The following DCAF8 variants were observed in gnomAD, a reference collection of about 807,000 sequenced individuals.
DCAF8 encodes the protein DDB1- and CUL4-associated factor 8.
DCAF8 carries 20 observed loss-of-function variants against 68.0 expected under a neutral mutation model. That is an observed-to-expected ratio of 0.29 (90% confidence interval 0.21 to 0.43). DCAF8 has a LOEUF of 0.43. DCAF8 is among the 20% of genes least tolerant of loss of function. DCAF8 has a pLI of 1.00. For missense variants in DCAF8, 460 were observed against 771.0 expected (o/e 0.60, Z 4.78); for synonymous variants, 230 against 276.9 (o/e 0.83, Z 1.68).
At chr1:160,261,062 G>A (rs545487774) in intron 2 of DCAF8, among the ~76,000 whole-genome samples, 2 of 152,322 alleles carry the variant, frequency 1.3e-5, no homozygotes, top group African/African-American at 4.8e-5. Flanking sequence ...CTAGGCTTAA[G>A]TCATTTGGAG....
chr1:160,237,275 T>G (rs1381377900), intron 5 of DCAF8, 46 bp from the exon 6 acceptor site: 11 of 1,350,298 alleles, frequency 8.1e-6, no homozygotes, highest in Non-Finnish European at 1.1e-5. Context: ...ATATTAGAAT[T>G]AGAGGTCATC....
chr1:160,228,650 C>G (rs1184061465), intron 7 of DCAF8, among the ~76,000 whole-genome samples: 1 of 150,064 alleles, frequency 6.7e-6, no homozygotes, highest in African/African-American at 2.4e-5. Context: ...AGCATGTCTC[C>G]CCAGAGCTTC....
At chr1:160,217,984 A>G (rs924562962) in intron 13 of DCAF8, 2 of 512,754 alleles carry the variant, frequency 3.9e-6, no homozygotes, top group Non-Finnish European at 6.9e-6. Context: ...GCCAACTGCC[A>G]GTTTGCCAAC....
At chr1:160,253,647 CA>C (rs747211563) in intron 2 of DCAF8, among the ~76,000 whole-genome samples, 657 of 26,880 alleles carry the variant, frequency 0.024, 3 homozygotes, top group African/African-American at 0.054. Context: ...GACTCCATCT[CA>C]AAAAAAAAAA....
chr1:160,220,580 A>C (rs756111742), intron 11 of DCAF8: 1 of 152,190 alleles, frequency 6.6e-6, no homozygotes, highest in African/African-American at 2.4e-5. Flanking sequence ...CAGAGAAAAG[A>C]GCTCTGGCCT....
chr1:160,219,067 G>A (rs929360115), intron 11 of DCAF8, 99 bp from the exon 12 acceptor site: 1 of 1,512,860 alleles, frequency 6.6e-7, no homozygotes, highest in Admixed American at 2.1e-5. Flanking sequence ...CTTGATCAGG[G>A]CTGAGGCAGC....
At position 160,239,983 on chromosome 1, in the gene DCAF8, G is replaced by A; in HGVS notation, c.437C>T (p.Ala146Val). The change falls in exon 4 of 14, where the codon GCT (alanine) becomes GTT (valine). Residue 146 changes from alanine (A) to valine (V), a missense_variant. Ala to Val is a moderately conservative substitution (Grantham distance 64). Around this residue, in one of 8 missense-constraint regions of DCAF8, gnomAD observed 170 missense variants for 318.2 expected, o/e 0.53. Coordinates refer to ENST00000368074, the MANE Select transcript of DCAF8 (RefSeq NM_015726.4). ...GGCTTGCCAGCGAGGTCGGGGTAGA[G>A]CTGATGTTTCTGAGGACACCCAGTC... is the stretch of plus-strand genomic sequence containing the variant. The part of the protein sequence containing the change: ...LEDWVSSETS[A>V]LPRPRWQALP... The A allele has an allele frequency of 2.5e-6, 4 of 1,614,246 alleles. No homozygotes were observed. Among genetic ancestry groups the A allele is most frequent in the Non-Finnish European group, 3.4e-6 (4 of 1,180,048 alleles).
chr1:160,217,877 T>C (rs1329980921), intron 13 of DCAF8, 169 bp from the exon 14 acceptor site: 16 of 568,964 alleles, frequency 2.8e-5, no homozygotes, highest in Non-Finnish European at 4.7e-5. Flanking sequence ...TTATTGCAAC[T>C]ATTCAACTCA....
At chr1:160,256,117 AGTTGGGATTACAG>A (rs1656828162) in intron 2 of DCAF8, among the ~76,000 whole-genome samples, 1 of 145,176 alleles carries the variant, frequency 6.9e-6, no homozygotes, top group South Asian at 2.2e-4. Flanking sequence ...CCCCCCGAGT[AGTTGGGATTACAG>A]GTACATGCCA....
chr1:160,246,025 C>A (rs372143751), intron 2 of DCAF8, among the ~76,000 whole-genome samples: 8 of 152,190 alleles, frequency 5.3e-5, no homozygotes, highest in South Asian at 2.1e-4. Context: ...GTAATCCCAG[C>A]TACTAGGGAG....
Position 160,238,602 on chromosome 1 carries a change from C to G in DCAF8, c.864+5G>C. The G allele has an allele frequency of 6.3e-7, 1 of 1,596,800 alleles. No individual in the cohort carries two copies. Among genetic ancestry groups the G allele is most frequent in the Non-Finnish European group, 8.5e-7 (1 of 1,172,046 alleles). On this transcript the variant is annotated splice_donor_5th_base_variant and intron_variant, in intron 5 of 13. Coordinates refer to ENST00000368074, the MANE Select transcript of DCAF8 (RefSeq NM_015726.4). ...GCACAAATTTTGGAGCAAGGTCTTA[C>G]TTACCTTGTGGGACGCTCCCTTGTG...
chr1:160,231,550 GTT>G (rs1311497173), intron 6 of DCAF8, 143 bp from the exon 7 acceptor site: 1 of 642,788 alleles, frequency 1.6e-6, no homozygotes, highest in African/African-American at 1.8e-5. Flanking sequence ...TGTTTTCTCT[GTT>G]TGTTTTGTAC....
chr1:160,240,442 A>C (rs1656067178), intron 3 of DCAF8, 72 bp from the exon 4 acceptor site: 1 of 1,429,560 alleles, frequency 7.0e-7, no homozygotes, highest in Non-Finnish European at 9.4e-7. Flanking sequence ...CCTTAGTCTA[A>C]GAAATCTTCA....
intron 11 of DCAF8, 196 bp from the exon 12 acceptor site, chr1:160,219,164 C>T (rs1655218153): frequency 3.2e-6 from 2 of 632,300 alleles, no homozygotes; most frequent in Non-Finnish European, 5.3e-6. Context: ...GGTATAAGAC[C>T]AGGCACATCA....
At chr1:160,246,710 G>C (rs1201102464) in intron 2 of DCAF8, among the ~76,000 whole-genome samples, 1 of 152,012 alleles carries the variant, frequency 6.6e-6, no homozygotes, top group Non-Finnish European at 1.5e-5. Flanking sequence ...AGCCAGGCAC[G>C]GCAGCTCACG....
intron 2 of DCAF8, among the ~76,000 whole-genome samples, chr1:160,247,809 A>G (rs1182781430): frequency 6.6e-6 from 1 of 152,200 alleles, no homozygotes; most frequent in Non-Finnish European, 1.5e-5. Flanking sequence ...GAAAAAAACT[A>G]AAGAACCTCA....
At chr1:160,220,940 C>T (rs562902501) in intron 11 of DCAF8, 41 of 152,314 alleles carry the variant, frequency 2.7e-4, no homozygotes, top group African/African-American at 8.4e-4. Flanking sequence ...AAGACCACAT[C>T]GATCATTCAG....
intron 2 of DCAF8, among the ~76,000 whole-genome samples, chr1:160,252,108 GCCTCTGGCACCAC>G (rs2101763529): frequency 6.6e-6 from 1 of 152,208 alleles, no homozygotes; most frequent in African/African-American, 2.4e-5. Context: ...CAAATCACAA[GCCTCTGGCACCAC>G]CCAGTGGCCT....
At chr1:160,259,832 T>G (rs16831709) in intron 2 of DCAF8, among the ~76,000 whole-genome samples, 2,139 of 152,192 alleles carry the variant, frequency 0.014, 59 homozygotes, top group African/African-American at 0.048. Flanking sequence ...ACAAAAAAAT[T>G]TACTGATGTT....
Sources: gnomAD v4.1 joint callset for allele counts (sites outside exome capture counted in the v4.1 genomes callset) on GRCh38, gnomAD v4.1.1 for gene constraint, gnomAD v4.1.1 regional missense constraint, MANE v1.5 for transcripts, NCBI Gene and HGNC (gene_info 2026-07-23, HGNC 2026-07-21) for gene names.